The following SLC22A4 variants were observed in gnomAD, a reference collection of about 807,000 sequenced individuals.
SLC22A4 encodes solute carrier family 22 member 4, also known as ET transporter.
SLC22A4 carries 39 observed loss-of-function variants against 56.6 expected under a neutral mutation model. The observed-to-expected ratio is 0.69, with a 90% CI of 0.53 to 0.90. SLC22A4 has a LOEUF of 0.90. Ranked by LOEUF, SLC22A4 falls within the 40% of genes least tolerant of loss-of-function variation. The pLI is 0.00. For synonymous variants in SLC22A4, 241 were observed against 281.4 expected (o/e 0.86, Z 1.44); for missense variants, 594 against 696.5 (o/e 0.85, Z 1.66).
intron 6 of SLC22A4, among the ~76,000 whole-genome samples, chr5:132,333,867 G>A (rs138780167): frequency 1.0e-3 from 154 of 152,088 alleles, no homozygotes; most frequent in African/African-American, 3.6e-3. Flanking sequence ...GTGCAATGGT[G>A]CGATCTCAGC....
intron 8 of SLC22A4, among the ~76,000 whole-genome samples, chr5:132,338,316 G>A (rs531870518): frequency 7.3e-4 from 111 of 152,156 alleles, no homozygotes; most frequent in African/African-American, 2.3e-3. Context: ...CAGAGATCAC[G>A]TGCTTCACAA....
intron 3 of SLC22A4, chr5:132,321,069 AGTCGCCTGCAT>A (rs1241751249): frequency 1.3e-5 from 2 of 152,274 alleles, no homozygotes; most frequent in Non-Finnish European, 2.9e-5. Context: ...AGAGGCCAAT[AGTCGCCTGCAT>A]GTCCTTTCCC....
At chr5:132,328,239 A>G (rs1234963786) in intron 5 of SLC22A4, among the ~76,000 whole-genome samples, 1 of 152,192 alleles carries the variant, frequency 6.6e-6, no homozygotes, top group Non-Finnish European at 1.5e-5. Context: ...AGGATGGGGC[A>G]GGGCATTCCT....
In SLC22A4 at chr5:132,322,271, C is replaced by T; in HGVS notation, c.740C>T (p.Pro247Leu). Residue 247 changes from proline (P) to leucine (L), a missense_variant, in exon 4 of 10, where the codon CCA (proline) becomes CTA (leucine). Physicochemically the swap from Pro to Leu is moderately conservative, Grantham distance 98. Transcript: ENST00000200652. Reference sequence around the variant, plus strand: ...TTTGCAGTTGGCTATATGCTGCTGCCACTGTTTGCTTACTTCATCAGAGAC... The same window carrying T: ...TTTGCAGTTGGCTATATGCTGCTGCTACTGTTTGCTTACTTCATCAGAGAC... ...TFFAVGYMLL[P>L]LFAYFIRDWR... is the part of the protein sequence containing the mutation. 1.9e-6 allele frequency: 3 copies of T among 1,613,890 alleles called. No homozygotes were observed. The highest frequency in any genetic ancestry group is 2.5e-6 in the Non-Finnish European group (3 of 1,179,824).
Position 132,322,306 on chromosome 5 carries a change from C to T in SLC22A4, c.775C>T (p.Leu259=), listed in dbSNP as rs1196137286. 1.1e-5 allele frequency: 17 copies of T among 1,613,716 alleles called. 1 individual carries two copies. The East Asian group carries it at 3.6e-4, about 34-fold the overall frequency. Residue 259 remains leucine, a synonymous_variant, in exon 4 of 10, where the codon CTG becomes TTG. Coordinates refer to ENST00000200652, the MANE Select transcript of SLC22A4 (RefSeq NM_003059.3). The part of the protein sequence containing the change: ...FAYFIRDWRM[L]LLALTVPGVL... Reference sequence around the variant, plus strand: ...TTACTTCATCAGAGACTGGCGGATGCTGCTGCTGGCGCTGACGGTGCCGGG... The same window carrying T: ...TTACTTCATCAGAGACTGGCGGATGTTGCTGCTGGCGCTGACGGTGCCGGG...
intron 6 of SLC22A4, among the ~76,000 whole-genome samples, chr5:132,334,024 G>A (rs1044559414): frequency 1.3e-5 from 2 of 152,206 alleles, no homozygotes; most frequent in South Asian, 2.1e-4. Flanking sequence ...GGCCAGGCTG[G>A]TCTCAAACTC....
At chr5:132,332,769 A>G (rs956906144) in intron 6 of SLC22A4, among the ~76,000 whole-genome samples, 2 of 104,570 alleles carry the variant, frequency 1.9e-5, no homozygotes, top group African/African-American at 7.3e-5. Context: ...CACACACACG[A>G]TGATCGTCAG....
chr5:132,294,474 C>G lies in SLC22A4; in HGVS notation c.-143C>G. ...CAGCCTGTTTCCCAGGAACGGTCCC[C>G]GGCTTCGCGCCCCAATTTCTAACAG... On this transcript the variant is annotated 5_prime_UTR_variant, in exon 1 of 10. Coordinates refer to ENST00000200652, the MANE Select transcript of SLC22A4 (RefSeq NM_003059.3). The surrounding 1 kb of genome is among the most constrained non-coding windows in gnomAD (Gnocchi z 5.6). 8.4e-7 allele frequency: 1 copy of G among 1,191,596 alleles called. No individual in the cohort carries two copies. Among genetic ancestry groups the G allele is most frequent in the East Asian group, 2.5e-5 (1 of 39,796 alleles). The allele number at this position is 1,191,596 out of a possible 1,614,324, so 73.8% of individuals were successfully genotyped here.
chr5:132,299,837 A>G (rs1370568128), intron 1 of SLC22A4, among the ~76,000 whole-genome samples: 1 of 152,222 alleles, frequency 6.6e-6, no homozygotes, highest in African/African-American at 2.4e-5. Context: ...TATACCCTTC[A>G]TCTAGCTTTC....
chr5:132,295,105 C>G, intron 1 of SLC22A4, 96 bp downstream of exon 1: 1 of 1,338,410 alleles, frequency 7.5e-7, no homozygotes, highest in Non-Finnish European at 1.0e-6. Flanking sequence ...CGGGTCAGCG[C>G]TCCCCTCCCC....
At chr5:132,308,505 GCCAAC>G (rs1379736354) in intron 1 of SLC22A4, among the ~76,000 whole-genome samples, 3 of 143,780 alleles carry the variant, frequency 2.1e-5, no homozygotes, top group Non-Finnish European at 4.5e-5. Flanking sequence ...CATCTCACAT[GCCAAC>G]CCTGAGATCC....
At chr5:132,300,929 C>T (rs1280342473) in intron 1 of SLC22A4, among the ~76,000 whole-genome samples, 1 of 152,228 alleles carries the variant, frequency 6.6e-6, no homozygotes, top group African/African-American at 2.4e-5. Context: ...ATCCCTGAGA[C>T]CTACTGCAGG....
chr5:132,295,141 G>A, intron 1 of SLC22A4, 132 bp downstream of exon 1: 1 of 1,071,842 alleles, frequency 9.3e-7, no homozygotes, highest in Non-Finnish European at 1.4e-6. Flanking sequence ...CATACTTCCA[G>A]CAGCGGGTGT....
At position 132,322,227 on chromosome 5, in the gene SLC22A4, A is replaced by T; in HGVS notation, c.696A>T (p.Thr232=). ...LGKSVRIIFS[T]LGVCTFFAVG... ...AGTCAGTTCGTATTATATTCTCTAC[A>T]TTAGGAGTGTGCACATTTTTTGCAG... Residue 232 remains threonine, a synonymous_variant, in exon 4 of 10, where the codon ACA becomes ACT. Coordinates refer to ENST00000200652, the MANE Select transcript of SLC22A4 (RefSeq NM_003059.3). 6.2e-7 allele frequency: 1 copy of T among 1,613,924 alleles called. No homozygotes were observed. Among genetic ancestry groups the T allele is most frequent in the African/African-American group, 1.3e-5 (1 of 75,046 alleles).
intron 1 of SLC22A4, 82 bp downstream of exon 1, chr5:132,295,091 T>G: frequency 2.1e-6 from 3 of 1,437,220 alleles, no homozygotes; most frequent in Non-Finnish European, 2.9e-6. Flanking sequence ...CCCTGCGCAG[T>G]GCCCGGGTCA....
intron 3 of SLC22A4, among the ~76,000 whole-genome samples, chr5:132,315,155 T>C (rs1376649551): frequency 6.6e-6 from 1 of 152,262 alleles, no homozygotes; most frequent in East Asian, 1.9e-4. Flanking sequence ...ATGTTCAAAG[T>C]CCCCAGAATC....
At chr5:132,328,598 C>G (rs1417962934) in intron 5 of SLC22A4, among the ~76,000 whole-genome samples, 1 of 151,902 alleles carries the variant, frequency 6.6e-6, no homozygotes, top group Non-Finnish European at 1.5e-5. Context: ...ACAACAACAA[C>G]AACAACATTG....
chr5:132,322,346 C>T lies in SLC22A4; in HGVS notation c.815C>T (p.Pro272Leu), dbSNP rs757302889. The T allele has an allele frequency of 9.3e-6, 15 of 1,613,516 alleles. No homozygotes were observed. The highest frequency in any genetic ancestry group is 1.7e-5 in the Admixed American group (1 of 60,016). The change falls in exon 4 of 10, where the codon CCG becomes CTG. Residue 272 changes from proline (P) to leucine (L), a missense_variant. Physicochemically the swap from Pro to Leu is moderately conservative, Grantham distance 98 (BLOSUM62 -3). Transcript: ENST00000200652. The part of the protein sequence containing the change: ...ALTVPGVLCV[P>L]LWWFIPESPR... The stretch of plus-strand genomic sequence containing the variant: ...ACGGTGCCGGGAGTGCTGTGTGTCC[C>T]GCTGTGGTGGTGAGTGTGACTCGTC...
rs755159592 is a variant in SLC22A4, at chr5:132,335,951, C to A, written c.1395C>A (p.Ser465=). ...LVRNMAVGVT[S]TASRVGSIIA... is the part of the protein sequence containing the mutation. ...GGAACATGGCGGTGGGGGTCACATC[C>A]ACGGCCTCCAGAGTGGGCAGCATCA... The change falls in exon 8 of 10, where the codon TCC becomes TCA. Residue 465 remains serine (S), a synonymous_variant. Coordinates refer to ENST00000200652, the MANE Select transcript of SLC22A4 (RefSeq NM_003059.3). 6.4e-5 allele frequency: 103 copies of A among 1,614,186 alleles called. 2 individuals carry two copies. The South Asian group carries it at 1.1e-3, about 17-fold the overall frequency.
Sources: gnomAD v4.1 joint callset for allele counts (sites outside exome capture counted in the v4.1 genomes callset) on GRCh38, gnomAD v4.1.1 for gene constraint, Gnocchi (gnomAD v3.1) non-coding constraint, MANE v1.5 for transcripts, NCBI Gene and HGNC (gene_info 2026-07-23, HGNC 2026-07-21) for gene names.